UBE2W: variants seen among roughly 807,000 people sequenced by gnomAD.
The protein encoded by UBE2W is ubiquitin-conjugating enzyme E2 W.
In UBE2W, 18 loss-of-function variants were observed where a neutral mutation model predicts 27.2. That is an observed-to-expected ratio of 0.66 (90% CI 0.46 to 0.98). The LOEUF (loss-of-function observed/expected upper bound fraction) is 0.98, where lower values mean the gene tolerates loss of function less well. Among genes scored for constraint, UBE2W ranks in the 50% least tolerant of loss-of-function variants. UBE2W has a pLI of 0.00. For synonymous variants in UBE2W, 53 were observed against 57.2 expected (o/e 0.93, Z 0.33); for missense variants, 90 against 180.2 (o/e 0.50, Z 2.87).
chr8:73,780,977 A>G (rs559322068), intron 4 of UBE2W, among the ~76,000 whole-genome samples: 58 of 152,250 alleles, frequency 3.8e-4, no homozygotes, highest in African/African-American at 1.4e-3. Flanking sequence ...ACTAGAAAGT[A>G]TTAAATTCCT....
chr8:73,836,683 A>G (rs1277502801), intron 1 of UBE2W, among the ~76,000 whole-genome samples: 1 of 152,222 alleles, frequency 6.6e-6, no homozygotes, highest in East Asian at 1.9e-4. Flanking sequence ...CACAATCCAG[A>G]AAGCTATAAT....
chr8:73,811,485 A>C (rs897375786), intron 3 of UBE2W, among the ~76,000 whole-genome samples: 1 of 152,174 alleles, frequency 6.6e-6, no homozygotes, highest in African/African-American at 2.4e-5. Context: ...CGAAGAAAGC[A>C]GAAGTCTTAT....
At chr8:73,784,296 T>C (rs923887847), downstream of UBE2W, among the ~76,000 whole-genome samples, 1 of 152,176 alleles carries the variant, frequency 6.6e-6, no homozygotes, top group African/African-American at 2.4e-5. Context: ...TGTCAAACTG[T>C]ATTTCAATTA....
Position 73,826,645 on chromosome 8 carries a change from C to T in UBE2W, c.108-1396G>A, listed in dbSNP as rs759666858. 1.2e-4 allele frequency among the ~76,000 whole-genome samples: 18 copies of T among 152,198 alleles called. 1 individual carries two copies. The highest frequency in any genetic ancestry group is 1.9e-4 in the Non-Finnish European group (13 of 68,002). On this transcript the variant is annotated intron_variant, in intron 2 of 5. Transcript: ENST00000602593. ...GTACCATACATGGTAATAAAAGATA[C>T]GACCACAGACCCAAGAGACAATATT...
rs146814369 is a variant in UBE2W at position 73,847,111 on chromosome 8, G to A, written c.16-16639C>T. ...TCGAACCAGGGAAGCAGAGGTTGCA[G>A]TGAGCCAAGATTGCGCCACCGCATT... On this transcript the variant is annotated intron_variant, in intron 1 of 5. Transcript: ENST00000602593. 1.0e-3 allele frequency among the ~76,000 whole-genome samples: 156 copies of A among 152,296 alleles called. 3 individuals carry two copies. Among genetic ancestry groups the A allele is most frequent in the Non-Finnish European group, 3.5e-4 (24 of 68,030 alleles).
At chr8:73,814,596 G>A (rs1809310087) in intron 3 of UBE2W, among the ~76,000 whole-genome samples, 1 of 152,112 alleles carries the variant, frequency 6.6e-6, no homozygotes, top group South Asian at 2.1e-4. Context: ...TCTGCTCACT[G>A]CAAGCTCCAT....
Position 73,791,795 on chromosome 8 carries a change from T to C in UBE2W, c.*2307A>G. ...ATTTTCTACTCTTTAAACCATAAGA[T>C]GTACCGAAATTATTTCATTTTCCTC... On this transcript the variant is annotated 3_prime_UTR_variant, in exon 6 of 6. Coordinates refer to ENST00000602593, the MANE Select transcript of UBE2W (RefSeq NM_018299.6). 1.0e-6 allele frequency: 1 copy of C among 984,870 alleles called. No homozygotes were observed. The highest frequency in any genetic ancestry group is 4.7e-5 in the South Asian group (1 of 21,280). 61.0% of individuals were successfully genotyped at this position (984,870 alleles called of 1,614,324 possible).
chr8:73,789,924 G>A lies in UBE2W; in HGVS notation c.*4178C>T. On this transcript the variant is annotated 3_prime_UTR_variant, in exon 6 of 6. Coordinates refer to ENST00000602593, the MANE Select transcript of UBE2W (RefSeq NM_018299.6). The stretch of plus-strand genomic sequence containing the variant: ...TTTAAATGGAAAAAATAAATAATTT[G>A]CTTGGACAATAATTTGGCTTTGGGA... 1 of 981,876 alleles carries A rather than the reference G, an allele frequency of 1.0e-6. No individual in the cohort carries two copies. The highest frequency in any genetic ancestry group is 1.2e-6 in the Non-Finnish European group (1 of 826,818). 60.8% of individuals were successfully genotyped at this position (981,876 alleles called of 1,614,324 possible).
chr8:73,785,973 CTATT>C (rs1474254608), downstream of UBE2W, among the ~76,000 whole-genome samples: 1 of 152,196 alleles, frequency 6.6e-6, no homozygotes, highest in East Asian at 1.9e-4. Context: ...ATATGCTTTT[CTATT>C]TATTATCTCC....
chr8:73,835,464 C>T (rs1020250428), intron 1 of UBE2W, among the ~76,000 whole-genome samples: 3 of 152,230 alleles, frequency 2.0e-5, no homozygotes, highest in South Asian at 2.1e-4. Flanking sequence ...TTTCTGTGGC[C>T]GGGTGCGATG....
In UBE2W at chr8:73,788,808, A is replaced by AG; in HGVS notation, c.*5293dup. The AG allele has an allele frequency of 1.0e-6, 1 of 985,408 alleles. No individual in the cohort carries two copies. Among genetic ancestry groups the AG allele is most frequent in the Non-Finnish European group, 1.2e-6 (1 of 829,926 alleles). 61.0% of individuals were successfully genotyped at this position (985,408 alleles called of 1,614,324 possible). A position where few individuals can be genotyped will look rare whatever the true frequency, so the allele number is the denominator to read the frequency against. On this transcript the variant is annotated 3_prime_UTR_variant, in exon 6 of 6. Coordinates refer to ENST00000602593, the MANE Select transcript of UBE2W (RefSeq NM_018299.6). ...CAAAACCCAGAGAGTGTATGTGCCAAGGACTAGAACAAGAATTGGATCTCT... is the reference window on the plus strand; with the variant it reads ...CAAAACCCAGAGAGTGTATGTGCCAAGGGACTAGAACAAGAATTGGATCTCT...
chr8:73,806,948 T>A (rs1808934260), intron 4 of UBE2W, among the ~76,000 whole-genome samples: 1 of 152,200 alleles, frequency 6.6e-6, no homozygotes, highest in South Asian at 2.1e-4. Context: ...GAGAAATATA[T>A]GGCAGCTCCG....
chr8:73,868,702 G>T (rs1280786206), intron 1 of UBE2W, among the ~76,000 whole-genome samples: 1 of 137,894 alleles, frequency 7.3e-6, no homozygotes, highest in East Asian at 2.0e-4. Flanking sequence ...ATTGCTTGGT[G>T]TGAAAAAAAA....
intron 4 of UBE2W, among the ~76,000 whole-genome samples, chr8:73,806,541 C>CAAA (rs58380487): frequency 4.4e-5 from 3 of 68,498 alleles, no homozygotes; most frequent in Admixed American, 1.8e-4. Flanking sequence ...GCTAAAAATA[C>CAAA]AAAAAAAAAA....
chr8:73,789,106 G>A lies in UBE2W; in HGVS notation c.*4996C>T, dbSNP rs189561710. 243 of 984,978 alleles carry A rather than the reference G, an allele frequency of 2.5e-4. No individual in the cohort carries two copies. The African/African-American group carries it at 3.8e-3, about 15-fold the overall frequency. The allele number at this position is 984,978 out of a possible 1,614,324, so 61.0% of individuals were successfully genotyped here. ...CCCTAACTTCAACTTTCAGGATAGA[G>A]AGCTAAGTTTCAAGTACATGTCTAG... On this transcript the variant is annotated 3_prime_UTR_variant, in exon 6 of 6. Transcript: ENST00000602593.
In UBE2W at chr8:73,793,402, A is replaced by G; in HGVS notation, c.*700T>C. ...TTGAGGAACTATATACAACAAATTA[A>G]TTTATTTTCACCATAGGGATAACAT... On this transcript the variant is annotated 3_prime_UTR_variant, in exon 6 of 6. Transcript: ENST00000602593. 3.0e-6 allele frequency: 3 copies of G among 985,830 alleles called. No individual in the cohort carries two copies. The highest frequency in any genetic ancestry group is 3.6e-6 in the Non-Finnish European group (3 of 829,914). 61.1% of individuals were successfully genotyped at this position (985,830 alleles called of 1,614,324 possible).
At chr8:73,850,399 G>A (rs1390718913) in intron 1 of UBE2W, among the ~76,000 whole-genome samples, 2 of 152,038 alleles carry the variant, frequency 1.3e-5, no homozygotes, top group Non-Finnish European at 2.9e-5. Flanking sequence ...AATACCCTAA[G>A]AGAAAACCAT....
At chr8:73,795,788 C>A in intron 5 of UBE2W, 1 of 984,696 alleles carries the variant, frequency 1.0e-6, no homozygotes, top group Non-Finnish European at 1.2e-6. Flanking sequence ...AAAGTTCACT[C>A]ACAATTTTCT....
At chr8:73,805,592 AAT>A in intron 5 of UBE2W, 57 bp downstream of exon 5, 2 of 1,032,566 alleles carry the variant, frequency 1.9e-6, no homozygotes, top group Non-Finnish European at 2.7e-6. Context: ...TCTTATAGCA[AAT>A]ATATATAATC....
Sources: gnomAD v4.1 joint callset for allele counts (sites outside exome capture counted in the v4.1 genomes callset) on GRCh38, gnomAD v4.1.1 for gene constraint, MANE v1.5 for transcripts, NCBI Gene and HGNC (gene_info 2026-07-23, HGNC 2026-07-21) for gene names.